The following AP1G1 variants were observed in gnomAD, a reference collection of about 807,000 sequenced individuals.
AP1G1 encodes adaptor related protein complex 1 subunit gamma 1, also known as AP-1 complex subunit gamma-1.
A neutral mutation model predicts 108.3 loss-of-function variants in AP1G1; 7 were observed. The observed-to-expected ratio is 0.06, with a 90% CI of 0.04 to 0.12. AP1G1 has a LOEUF of 0.12. Ranked by LOEUF, AP1G1 falls within the 10% of genes least tolerant of loss-of-function variation. The pLI, the probability that AP1G1 is intolerant of heterozygous loss-of-function variation, is 1.00. For synonymous variants in AP1G1, 379 were observed against 353.5 expected, an observed-to-expected ratio of 1.07 and a Z score of -0.81; for missense variants, 756 against 1,010.7, an observed-to-expected ratio of 0.75 and a Z score of 3.42.
intron 2 of AP1G1, among the ~76,000 whole-genome samples, chr16:71,786,179 T>C (rs900965406): frequency 8.5e-5 from 13 of 152,204 alleles, no homozygotes; most frequent in African/African-American, 3.1e-4. Flanking sequence ...TATCAAATAA[T>C]TAAGTCCCAA....
intron 1 of AP1G1, among the ~76,000 whole-genome samples, chr16:71,797,333 G>A (rs2032622292): frequency 6.6e-6 from 1 of 151,864 alleles, no homozygotes; most frequent in Non-Finnish European, 1.5e-5. Context: ...TATCTTTCAA[G>A]TAATGAGCAT....
intron 1 of AP1G1, among the ~76,000 whole-genome samples, chr16:71,793,241 A>C (rs890489379): frequency 1.3e-5 from 2 of 152,232 alleles, no homozygotes; most frequent in African/African-American, 2.4e-5. Flanking sequence ...AGTCCGGAAC[A>C]CAGTAATGAA....
At chr16:71,745,792 T>G (rs368226444) in intron 17 of AP1G1, among the ~76,000 whole-genome samples, 178 bp from the exon 18 acceptor site, 17 of 152,258 alleles carry the variant, frequency 1.1e-4, no homozygotes, top group Admixed American at 9.2e-4. Flanking sequence ...CTGGCTGGAT[T>G]AAGGGCAGAC....
chr16:71,743,445 T>C (rs2029977192), intron 19 of AP1G1: 1 of 151,938 alleles, frequency 6.6e-6, no homozygotes, highest in African/African-American at 2.4e-5. Flanking sequence ...CTACTAAAAA[T>C]ACAAAAAATT....
chr16:71,769,248 A>T (rs138576080), intron 6 of AP1G1, among the ~76,000 whole-genome samples: 1 of 151,936 alleles, frequency 6.6e-6, no homozygotes, highest in Non-Finnish European at 1.5e-5. Context: ...ACGCCATTGC[A>T]CTCCAGCCTG....
chr16:71,796,956 T>C (rs1384088967), intron 1 of AP1G1, among the ~76,000 whole-genome samples: 1 of 151,358 alleles, frequency 6.6e-6, no homozygotes, highest in Non-Finnish European at 1.5e-5. Flanking sequence ...GAATGCTTGA[T>C]TCCAGGAGTT....
intron 1 of AP1G1, among the ~76,000 whole-genome samples, chr16:71,802,619 A>T (rs927686524): frequency 1.3e-5 from 2 of 151,980 alleles, no homozygotes; most frequent in Non-Finnish European, 2.9e-5. Flanking sequence ...AATTCTAGCT[A>T]CTTGGGAGGC....
At chr16:71,793,265 T>C (rs999464182) in intron 1 of AP1G1, among the ~76,000 whole-genome samples, 1 of 152,166 alleles carries the variant, frequency 6.6e-6, no homozygotes, top group South Asian at 2.1e-4. Context: ...ATACAGAACA[T>C]AGCTGAGAAT....
intron 1 of AP1G1, among the ~76,000 whole-genome samples, chr16:71,807,598 G>C (rs982940656): frequency 3.9e-5 from 6 of 152,272 alleles, no homozygotes; most frequent in African/African-American, 1.2e-4. Flanking sequence ...AAGTATTCTA[G>C]GGAACGGTGG....
intron 2 of AP1G1, among the ~76,000 whole-genome samples, chr16:71,775,009 C>CCG (rs1230395536): frequency 6.7e-6 from 1 of 148,162 alleles, no homozygotes; most frequent in Admixed American, 6.8e-5. Context: ...GCATGAGCCA[C>CCG]CGCGCCTGGC....
chr16:71,763,118 C>T (rs143317346), intron 9 of AP1G1, among the ~76,000 whole-genome samples: 5 of 152,232 alleles, frequency 3.3e-5, no homozygotes, highest in Admixed American at 2.0e-4. Flanking sequence ...TCACATTACT[C>T]GGGAGGCTGA....
chr16:71,803,110 G>A (rs532361970), intron 1 of AP1G1, among the ~76,000 whole-genome samples: 1 of 151,696 alleles, frequency 6.6e-6, no homozygotes, highest in Admixed American at 6.6e-5. Flanking sequence ...AGCTACTCGG[G>A]AGGCTGAGCA....
At chr16:71,773,931 T>A (rs1003833708) in intron 3 of AP1G1, among the ~76,000 whole-genome samples, 3 of 151,330 alleles carry the variant, frequency 2.0e-5, no homozygotes, top group African/African-American at 7.3e-5. Flanking sequence ...TCCCATTAAT[T>A]TTTGTATTTT....
rs549277944 is a variant in AP1G1 at position 71,737,439 on chromosome 16, G to A, written c.2268+1503C>T. 9.2e-5 allele frequency among the ~76,000 whole-genome samples: 14 copies of A among 152,186 alleles called. No homozygotes were observed. The South Asian group carries it at 2.1e-3, about 23-fold the overall frequency. ...GCTGGGACCACAGGCACGCACCATT[G>A]CACCTGGCTAATTTTTTGTATTTTT... On this transcript the variant is annotated intron_variant, in intron 21 of 22. Transcript: ENST00000299980.
chr16:71,784,577 G>C (rs554925557), intron 2 of AP1G1, among the ~76,000 whole-genome samples: 21 of 152,212 alleles, frequency 1.4e-4, no homozygotes, highest in African/African-American at 4.8e-4. Context: ...GTTGTTGTTT[G>C]AGACAGAGTC....
intron 1 of AP1G1, chr16:71,808,076 G>A (rs939151910): frequency 1.7e-6 from 2 of 1,177,282 alleles, no homozygotes; most frequent in South Asian, 3.3e-5. Flanking sequence ...ACAATCAACC[G>A]AACCGTCCCG....
chr16:71,756,201 G>A, intron 11 of AP1G1, 42 bp from the exon 12 acceptor site: 2 of 1,581,890 alleles, frequency 1.3e-6, no homozygotes, highest in Non-Finnish European at 8.6e-7. Context: ...GAAATTTATA[G>A]TGGAAATGAA....
chr16:71,789,866 G>A (rs1191921448), intron 1 of AP1G1, among the ~76,000 whole-genome samples: 1 of 152,136 alleles, frequency 6.6e-6, no homozygotes. Context: ...GATATTATCT[G>A]TTCAACTGCT....
At position 71,807,481 on chromosome 16, in the gene AP1G1, G is replaced by A. The variant is rs565033023; in HGVS notation, c.-4+1282C>T. Among the ~76,000 whole-genome samples, 11 of 152,268 alleles carry A rather than the reference G, an allele frequency of 7.2e-5. No homozygotes were observed. The South Asian group carries it at 2.3e-3, about 32-fold the overall frequency. ...ACATACTTTTTATTCAAGCATGCTA[G>A]ACTGCAAACATGCCTTTAGAATAAA... On this transcript the variant is annotated intron_variant, in intron 1 of 22. Transcript: ENST00000299980.
Sources: gnomAD v4.1 joint callset for allele counts (sites outside exome capture counted in the v4.1 genomes callset) on GRCh38, gnomAD v4.1.1 for gene constraint, MANE v1.5 for transcripts, NCBI Gene and HGNC (gene_info 2026-07-23, HGNC 2026-07-21) for gene names.